Variants in IL1RAPL2 observed in about 807,000 individuals in gnomAD.
IL1RAPL2 encodes the protein X-linked interleukin-1 receptor accessory protein-like 2.
IL1RAPL2 carries 3 observed loss-of-function variants against 44.1 expected under a neutral mutation model. The ratio of observed to expected loss-of-function variants is 0.07; its 90% CI spans 0.03 to 0.18. The LOEUF (loss-of-function observed/expected upper bound fraction) is 0.18, where lower values mean the gene tolerates loss of function less well. Ranked by LOEUF, IL1RAPL2 falls within the 10% of genes least tolerant of loss-of-function variation. The probability of loss-of-function intolerance (pLI) is 1.00; values close to 1 mark genes in which losing one functional copy is unlikely to be tolerated. For synonymous variants in IL1RAPL2, 181 were observed against 178.8 expected (o/e 1.01, Z -0.10); for missense variants, 391 against 496.4 (o/e 0.79, Z 2.02).
intron 2 of IL1RAPL2, among the ~76,000 whole-genome samples, chrX:104,744,173 A>C (rs1030784659): frequency 1.7e-4 from 19 of 110,752 alleles, no homozygotes; most frequent in African/African-American, 5.9e-4. Flanking sequence ...AAAAATGTGG[A>C]CTGAATGTAT....
intron 2 of IL1RAPL2, among the ~76,000 whole-genome samples, chrX:105,090,840 G>T (rs1203920893): frequency 1.8e-5 from 2 of 111,778 alleles, no homozygotes; most frequent in Non-Finnish European, 3.8e-5. Flanking sequence ...ACACTCTGGG[G>T]TCTTATTGGT....
intron 1 of IL1RAPL2, among the ~76,000 whole-genome samples, chrX:104,634,253 T>A: frequency 9.0e-6 from 1 of 111,706 alleles, no homozygotes; most frequent in Non-Finnish European, 1.9e-5. Flanking sequence ...TGAGGAGTGG[T>A]TTACTTCCAA....
chrX:104,888,520 T>C (rs934819251), intron 2 of IL1RAPL2, among the ~76,000 whole-genome samples: 21 of 111,431 alleles, frequency 1.9e-4, no homozygotes, highest in Non-Finnish European at 3.6e-4. Context: ...TTTACCTTCC[T>C]ATTTACTCTT....
At chrX:104,998,387 A>G (rs1289373749) in intron 2 of IL1RAPL2, among the ~76,000 whole-genome samples, 1 of 111,180 alleles carries the variant, frequency 9.0e-6, no homozygotes, top group Non-Finnish European at 1.9e-5. Flanking sequence ...CAACTTTTTC[A>G]AGATTTGCCT....
At position 104,658,956 on chromosome X, in the gene IL1RAPL2, G is replaced by A; in HGVS notation, c.43G>A (p.Val15Ile). ...TTTGGCCCTTGTGGTCTGTTCTGTA[G>A]TCAGCACAAATCTGAAGATGGTGTC... ...FLLALVVCSV[V>I]STNLKMVSKR... The change falls in exon 2 of 11, where the codon GTC (valine) becomes ATC (isoleucine). Residue 15 changes from valine to isoleucine, a missense_variant. Coordinates refer to ENST00000372582, the MANE Select transcript of IL1RAPL2 (RefSeq NM_017416.2). 8.3e-7 allele frequency: 1 copy of A among 1,207,458 alleles called. No homozygotes were observed. Among genetic ancestry groups the A allele is most frequent in the Non-Finnish European group, 1.1e-6 (1 of 892,928 alleles).
chrX:105,447,696 A>G (rs1463049008), intron 5 of IL1RAPL2, among the ~76,000 whole-genome samples: 2 of 83,754 alleles, frequency 2.4e-5, no homozygotes, highest in African/African-American at 4.9e-5. Context: ...AAATATAAAT[A>G]TATATAAATA....
At chrX:105,076,123 A>C (rs1454881306) in intron 2 of IL1RAPL2, among the ~76,000 whole-genome samples, 2 of 110,718 alleles carry the variant, frequency 1.8e-5, no homozygotes. Flanking sequence ...TAGTTCTTTT[A>C]ATTGTGATGT....
At chrX:105,581,911 A>T (rs2147814626) in intron 6 of IL1RAPL2, among the ~76,000 whole-genome samples, 1 of 111,496 alleles carries the variant, frequency 9.0e-6, no homozygotes, top group East Asian at 2.8e-4. Flanking sequence ...ATTTGGGTTA[A>T]GATTTAGTTT....
intron 3 of IL1RAPL2, among the ~76,000 whole-genome samples, chrX:105,228,557 A>G (rs375523139): frequency 1.8e-5 from 2 of 112,553 alleles, no homozygotes; most frequent in East Asian, 5.5e-4. Flanking sequence ...CATCTGGGTA[A>G]AAAGTTCTAA....
At chrX:105,053,451 C>T (rs1212280078) in intron 2 of IL1RAPL2, among the ~76,000 whole-genome samples, 2 of 111,287 alleles carry the variant, frequency 1.8e-5, no homozygotes, top group African/African-American at 3.3e-5. Flanking sequence ...TTCAGAACAA[C>T]TCGTTAAGGT....
At chrX:105,447,793 A>G (rs1409463482) in intron 5 of IL1RAPL2, among the ~76,000 whole-genome samples, 2 of 89,437 alleles carry the variant, frequency 2.2e-5, no homozygotes, top group Non-Finnish European at 4.1e-5. Context: ...AAATATATAT[A>G]AATATATTAT....
intron 1 of IL1RAPL2, among the ~76,000 whole-genome samples, chrX:104,574,415 A>G (rs1298399149): frequency 2.7e-5 from 3 of 112,056 alleles, no homozygotes; most frequent in Non-Finnish European, 5.6e-5. Context: ...AAACCAACAT[A>G]AAACATGGTT....
At chrX:104,620,375 C>T (rs925636440) in intron 1 of IL1RAPL2, among the ~76,000 whole-genome samples, 4 of 108,459 alleles carry the variant, frequency 3.7e-5, no homozygotes, top group African/African-American at 1.3e-4. Context: ...CGTGGTGGCT[C>T]ACGCCTGTAA....
intron 2 of IL1RAPL2, among the ~76,000 whole-genome samples, chrX:105,031,841 G>T (rs1602903682): frequency 9.0e-6 from 1 of 111,549 alleles, no homozygotes; most frequent in African/African-American, 3.3e-5. Context: ...ATTGGGCTTT[G>T]AATCCATCTG....
chrX:105,217,306 C>T (rs1203930500), intron 3 of IL1RAPL2, among the ~76,000 whole-genome samples: 2 of 111,820 alleles, frequency 1.8e-5, no homozygotes, highest in Non-Finnish European at 3.8e-5. Context: ...CATGAACAGA[C>T]ACTTCTCAAA....
chrX:105,692,334 A>G (rs1401233055), intron 6 of IL1RAPL2, among the ~76,000 whole-genome samples: 2 of 112,224 alleles, frequency 1.8e-5, no homozygotes, highest in African/African-American at 3.2e-5. Flanking sequence ...TAATCTGTCC[A>G]TGCTTACAGA....
At chrX:104,600,716 T>C (rs1026128043) in intron 1 of IL1RAPL2, among the ~76,000 whole-genome samples, 2 of 111,310 alleles carry the variant, frequency 1.8e-5, no homozygotes, top group Admixed American at 1.9e-4. Flanking sequence ...GCCATCTTGA[T>C]ATCCATGCGT....
At chrX:105,027,932 G>A (rs1189022880) in intron 2 of IL1RAPL2, among the ~76,000 whole-genome samples, 1 of 111,839 alleles carries the variant, frequency 8.9e-6, no homozygotes, top group Non-Finnish European at 1.9e-5. Context: ...CAACTTAAGT[G>A]TCCATCAGCA....
chrX:104,809,412 T>C (rs1022809385), intron 2 of IL1RAPL2, among the ~76,000 whole-genome samples: 38 of 111,631 alleles, frequency 3.4e-4, no homozygotes, highest in Admixed American at 5.7e-4. Context: ...TTTTAATGAT[T>C]GCCATTCTAA....
Sources: allele counts gnomAD v4.1 joint callset (sites outside exome capture counted in the v4.1 genomes callset), GRCh38; gene constraint gnomAD v4.1.1; transcripts MANE v1.5; gene names NCBI Gene and HGNC (gene_info 2026-07-23, HGNC 2026-07-21).